The following MAPT variants were observed in gnomAD, a reference collection of about 807,000 sequenced individuals.
MAPT encodes the protein microtubule-associated protein tau.
A neutral mutation model predicts 67.9 loss-of-function variants in MAPT; 34 were observed. The ratio of observed to expected loss-of-function variants is 0.50; its 90% CI spans 0.38 to 0.67. The LOEUF is 0.67. Among genes scored for constraint, MAPT ranks in the 30% least tolerant of loss-of-function variants. The pLI, the probability that MAPT is intolerant of heterozygous loss-of-function variation, is 0.00. For missense variants in MAPT, 881 were observed against 1,115.2 expected, an observed-to-expected ratio of 0.79 and a Z score of 2.99; for synonymous variants, 456 against 464.5, an observed-to-expected ratio of 0.98 and a Z score of 0.23.
At position 45,999,605 on chromosome 17, in the gene MAPT, C is replaced by G. The variant is rs1217370976; in HGVS notation, c.1998+2941C>G. On this transcript the variant is annotated intron_variant, in intron 9 of 12. Coordinates refer to ENST00000262410, the MANE Select transcript of MAPT (RefSeq NM_001377265.1). ...CAGGGCCAGAACTGTCCCTCCCACC[C>G]TGCAGCTGCCCTGCCTCTGCCCATG... is the stretch of plus-strand genomic sequence containing the variant. The G allele has an allele frequency of 7.4e-6, 12 of 1,612,280 alleles. No homozygotes were observed. The highest frequency in any genetic ancestry group is 2.2e-5 in the East Asian group (1 of 44,816).
intron 6 of MAPT, among the ~76,000 whole-genome samples, chr17:45,989,461 T>C (rs1158421772): frequency 2.0e-5 from 3 of 151,976 alleles, no homozygotes; most frequent in Non-Finnish European, 4.4e-5. Context: ...CCATCCTGGC[T>C]AACACAGTGA....
intron 1 of MAPT, among the ~76,000 whole-genome samples, chr17:45,941,692 T>TTCCCTCCTTCCTTCCTTCCCCCCTTCCC (rs1352965099): frequency 1.4e-5 from 1 of 71,760 alleles, no homozygotes; most frequent in Admixed American, 1.6e-4. Flanking sequence ...CCTTCCTTCC[T>TTCCCTCCTTCCTTCCTTCCCCCCTTCCC]TCCTTCCTGC....
intron 1 of MAPT, among the ~76,000 whole-genome samples, chr17:45,944,040 A>G (rs1326840679): frequency 6.6e-6 from 1 of 152,130 alleles, no homozygotes; most frequent in Non-Finnish European, 1.5e-5. Flanking sequence ...CTCCATCTTC[A>G]GGAGTCTCCT....
rs545287415 is a variant in MAPT at position 46,006,743 on chromosome 17, T to C, written c.1999-3567T>C. Among the ~76,000 whole-genome samples the C allele has an allele frequency of 5.0e-3, 762 of 151,712 alleles. 4 individuals are homozygous for C. In the Middle Eastern group the frequency reaches 0.051, roughly 10 times the overall value. ...TCCTAGCTAACATGGTGAAACCCCG[T>C]CTCTACTACAAATACAAAAAAAAGA... On this transcript the variant is annotated intron_variant, in intron 9 of 12. Coordinates refer to ENST00000262410, the MANE Select transcript of MAPT (RefSeq NM_001377265.1).
intron 2 of MAPT, among the ~76,000 whole-genome samples, chr17:45,967,702 C>A (rs1045268153): frequency 1.3e-5 from 2 of 152,080 alleles, no homozygotes; most frequent in African/African-American, 4.8e-5. Flanking sequence ...CCAGCCCCAT[C>A]CTGAAACTGA....
chr17:45,981,639 T>G (rs1172815592), intron 4 of MAPT, among the ~76,000 whole-genome samples: 1 of 152,172 alleles, frequency 6.6e-6, no homozygotes, highest in African/African-American at 2.4e-5. Context: ...AAGACTCCAT[T>G]CTTGATGATC....
At chr17:45,959,188 C>T (rs1027198405) in intron 1 of MAPT, among the ~76,000 whole-genome samples, 18 of 152,130 alleles carry the variant, frequency 1.2e-4, no homozygotes, top group African/African-American at 4.1e-4. Flanking sequence ...AGAGACTTCC[C>T]GTATGTTCCC....
intron 9 of MAPT, among the ~76,000 whole-genome samples, chr17:45,997,105 G>T (rs2074547504): frequency 6.6e-6 from 1 of 152,214 alleles, no homozygotes; most frequent in Admixed American, 6.5e-5. Flanking sequence ...CTTAGGTTGG[G>T]TTCCTCTGGA....
chr17:45,924,451 C>A (rs2066071032), intron 1 of MAPT, among the ~76,000 whole-genome samples: 1 of 152,224 alleles, frequency 6.6e-6, no homozygotes, highest in Non-Finnish European at 1.5e-5. Context: ...GGCCTCCACT[C>A]CTCTTTGCTG....
Position 45,983,898 on chromosome 17 carries a change from G to A in MAPT, c.1319G>A (p.Gly440Glu), listed in dbSNP as rs574922222. Residue 440 changes from glycine to glutamate, a missense_variant, in exon 5 of 13, where the codon GGG (glycine) becomes GAG (glutamate). By Grantham distance (98) the Gly-to-Glu change is moderately conservative. Coordinates refer to ENST00000262410, the MANE Select transcript of MAPT (RefSeq NM_001377265.1). ...SEKQPAAAPR[G>E]KPVSRVPQLK... is the part of the protein sequence containing the mutation. ...AAGCAGCCTGCTGCTGCTCCGCGGG[G>A]GAAGCCCGTCAGCCGGGTCCCTCAA... The A allele has an allele frequency of 7.6e-6, 12 of 1,584,470 alleles. No individual in the cohort carries two copies. The highest frequency in any genetic ancestry group is 1.4e-5 in the African/African-American group (1 of 73,142).
chr17:46,027,592 T>C lies in MAPT; in HGVS notation c.*3421T>C, dbSNP rs1032236770. The C allele has an allele frequency of 3.3e-5, 5 of 152,154 alleles. No homozygotes were observed. Among genetic ancestry groups the C allele is most frequent in the Admixed American group, 2.6e-4 (4 of 15,282 alleles). The allele number at this position is 152,154 out of a possible 1,614,324, so 9.4% of individuals were successfully genotyped here. ...TAGTTAACATGGGCAAAGGGAGATC[T>C]TGGGGTGCAGCACTTAAACTGCCTC... is the stretch of plus-strand genomic sequence containing the variant. On this transcript the variant is annotated 3_prime_UTR_variant, in exon 13 of 13. Transcript: ENST00000262410.
chr17:45,944,790 A>G (rs1471918495), intron 1 of MAPT, among the ~76,000 whole-genome samples: 1 of 152,144 alleles, frequency 6.6e-6, no homozygotes, highest in African/African-American at 2.4e-5. Flanking sequence ...GAGGCCTCGC[A>G]GCACCCGGAG....
chr17:45,903,010 G>A (rs2063720647), intron 1 of MAPT, among the ~76,000 whole-genome samples: 1 of 152,128 alleles, frequency 6.6e-6, no homozygotes, highest in South Asian at 2.1e-4. Context: ...ATCTAAGTCT[G>A]CAGTTTCACC....
intron 1 of MAPT, among the ~76,000 whole-genome samples, chr17:45,946,121 G>A (rs1357930509): frequency 1.3e-5 from 2 of 151,796 alleles, no homozygotes; most frequent in Non-Finnish European, 2.9e-5. Flanking sequence ...TTTTTGCTCT[G>A]GTTTTCTTGA....
chr17:45,910,393 T>G (rs1221632669), intron 1 of MAPT, among the ~76,000 whole-genome samples: 1 of 152,080 alleles, frequency 6.6e-6, no homozygotes, highest in Non-Finnish European at 1.5e-5. Context: ...GTGGCTAATT[T>G]GAGGCCGGTA....
At chr17:45,954,014 T>C (rs2069352923) in intron 1 of MAPT, among the ~76,000 whole-genome samples, 1 of 152,190 alleles carries the variant, frequency 6.6e-6, no homozygotes, top group Admixed American at 6.5e-5. Flanking sequence ...GTTTTTCTTT[T>C]TTTTCGATCG....
intron 1 of MAPT, among the ~76,000 whole-genome samples, chr17:45,947,724 G>A (rs2068649823): frequency 6.6e-6 from 1 of 151,944 alleles, no homozygotes; most frequent in Non-Finnish European, 1.5e-5. Context: ...TTGACTTGAT[G>A]ACCTCCAGTT....
At chr17:46,014,656 T>C (rs532026659) in intron 11 of MAPT, among the ~76,000 whole-genome samples, 99 of 152,002 alleles carry the variant, frequency 6.5e-4, no homozygotes, top group Middle Eastern at 6.8e-3. Flanking sequence ...GGGTGGATCA[T>C]GAGGTCAGGA....
At chr17:46,001,686 C>T (rs2075016256) in intron 9 of MAPT, among the ~76,000 whole-genome samples, 2 of 152,194 alleles carry the variant, frequency 1.3e-5, no homozygotes, top group South Asian at 2.1e-4. Flanking sequence ...ATGCTGGTTC[C>T]TTCCTTATTT....
Sources: allele counts gnomAD v4.1 joint callset (sites outside exome capture counted in the v4.1 genomes callset), GRCh38; gene constraint gnomAD v4.1.1; transcripts MANE v1.5; gene names NCBI Gene and HGNC (gene_info 2026-07-23, HGNC 2026-07-21).